The following FOXN3 variants were observed in gnomAD, a reference collection of about 807,000 sequenced individuals.
FOXN3 encodes forkhead box protein N3.
Under a neutral mutation model 38.4 loss-of-function variants are expected in FOXN3, and 7 were observed. That is an observed-to-expected ratio of 0.18 (90% CI 0.10 to 0.34). The LOEUF is 0.34. Among genes scored for constraint, FOXN3 ranks in the 10% least tolerant of loss-of-function variants. The pLI is 1.00. For synonymous variants in FOXN3, 230 were observed against 242.2 expected (o/e 0.95, Z 0.47); for missense variants, 456 against 613.4 (o/e 0.74, Z 2.71).
At chr14:89,272,623 G>A (rs2182473) in intron 4 of FOXN3, among the ~76,000 whole-genome samples, 24,248 of 152,032 alleles carry the variant, frequency 0.16, 2,184 homozygotes, top group East Asian at 0.3. Flanking sequence ...AGGCTGAGGC[G>A]GGCAGATCAC....
Position 89,192,013 on chromosome 14 carries a change from CATT to C in FOXN3, c.746-11210_746-11208del, listed in dbSNP as rs550367521. 8.7e-3 allele frequency among the ~76,000 whole-genome samples: 1,221 copies of C among 139,948 alleles called. 14 individuals carry two copies. The highest frequency in any genetic ancestry group is 0.022 in the Middle Eastern group (6 of 268). 91.8% of individuals were successfully genotyped at this position (139,948 alleles called of 152,430 possible). On this transcript the variant is annotated intron_variant, in intron 4 of 5. Transcript: ENST00000557258. ...ATATATATTAGCTAATATAATTAAT[CATT>C]AATCATCAACTAACATATATAAACT...
At chr14:89,342,685 C>A (rs1468582803) in intron 3 of FOXN3, among the ~76,000 whole-genome samples, 1 of 152,166 alleles carries the variant, frequency 6.6e-6, no homozygotes, top group Non-Finnish European at 1.5e-5. Flanking sequence ...AATCCCACAT[C>A]TACTTTACTG....
Position 89,288,070 on chromosome 14 carries a change from T to C in FOXN3, c.681-7056A>G, listed in dbSNP as rs111300906. 7.1e-3 allele frequency among the ~76,000 whole-genome samples: 83 copies of C among 11,648 alleles called. No individual in the cohort carries two copies. The South Asian group carries it at 0.14, about 20-fold the overall frequency. The allele number at this position is 11,648 out of a possible 152,430, so 7.6% of individuals were successfully genotyped here. On this transcript the variant is annotated intron_variant, in intron 3 of 5. Coordinates refer to ENST00000557258, the MANE Select transcript of FOXN3 (RefSeq NM_005197.4). ...AGCAAGACCCTGTCTCAAAAAAAAA[T>C]ATATATATATATAGCTCCATGCAGA...
rs1360110903 is a variant in FOXN3, at chr14:89,513,628, CTT to C, written c.-14-101140_-14-101139del. Among the ~76,000 whole-genome samples the C allele has an allele frequency of 2.0e-5, 3 of 151,182 alleles. No homozygotes were observed. In the East Asian group the frequency reaches 5.9e-4, roughly 30 times the overall value. On this transcript the variant is annotated intron_variant, in intron 1 of 6. Coordinates refer to the FOXN3 transcript ENST00000345097. ...TTATTTTTTGAGACGGAATTTCACT[CTT>C]GTTGCCCAGGCTGGAGTGCAATGGC...
intron 4 of FOXN3, among the ~76,000 whole-genome samples, chr14:89,261,757 G>A (rs905718962): frequency 2.6e-5 from 4 of 151,996 alleles, no homozygotes; most frequent in Non-Finnish European, 4.4e-5. Context: ...ATGAAACCCC[G>A]TCTCTACCAA....
At chr14:89,286,163 G>T (rs1459236673) in intron 3 of FOXN3, among the ~76,000 whole-genome samples, 4 of 151,586 alleles carry the variant, frequency 2.6e-5, no homozygotes, top group Non-Finnish European at 4.4e-5. Context: ...CAAGAGAGGA[G>T]TAGGGAGGGG....
Position 89,413,655 on chromosome 14 carries a change from A to ATG in FOXN3, c.-14-1166_-14-1165insCA, listed in dbSNP as rs1491375825. Among the ~76,000 whole-genome samples, 517 of 61,416 alleles carry ATG rather than the reference A, an allele frequency of 8.4e-3. 4 individuals are homozygous for ATG. The highest frequency in any genetic ancestry group is 0.02 in the African/African-American group (498 of 25,058). The allele number at this position is 61,416 out of a possible 152,430, so 40.3% of individuals were successfully genotyped here. A position where few individuals can be genotyped will look rare whatever the true frequency, so the allele number is the denominator to read the frequency against. On this transcript the variant is annotated intron_variant, in intron 1 of 5. Coordinates refer to ENST00000557258, the MANE Select transcript of FOXN3 (RefSeq NM_005197.4). ...CTCAAAAGTTTTGAAGAAGGTAAGGAAGAAGGGAAGGGAATGGAAGAGAAG... is the reference window on the plus strand; with the variant it reads ...CTCAAAAGTTTTGAAGAAGGTAAGGATGAGAAGGGAAGGGAATGGAAGAGAAG...
At chr14:89,281,654 TCA>T (rs1213459080) in intron 3 of FOXN3, among the ~76,000 whole-genome samples, 7 of 152,108 alleles carry the variant, frequency 4.6e-5, no homozygotes, top group African/African-American at 1.7e-4. Flanking sequence ...GATCAATATA[TCA>T]CAAAGACACT....
intron 1 of FOXN3, among the ~76,000 whole-genome samples, chr14:89,542,175 C>T (rs1464126548): frequency 6.6e-6 from 1 of 152,164 alleles, no homozygotes; most frequent in South Asian, 2.1e-4. Context: ...GAGATGTGCT[C>T]TGCTACAAGG....
At chr14:89,354,555 A>G (rs906289827) in intron 2 of FOXN3, among the ~76,000 whole-genome samples, 1 of 149,318 alleles carries the variant, frequency 6.7e-6, no homozygotes, top group African/African-American at 2.4e-5. Flanking sequence ...AAAAAAAAAA[A>G]AAAAAAGAAA....
intron 1 of FOXN3, among the ~76,000 whole-genome samples, chr14:89,436,056 G>A (rs1287044081): frequency 6.7e-6 from 1 of 150,266 alleles, no homozygotes; most frequent in African/African-American, 2.5e-5. Context: ...GCCCAGGCTG[G>A]TCTCGAACTC....
chr14:89,473,816 G>C (rs1318331263), intron 1 of FOXN3, among the ~76,000 whole-genome samples: 2 of 152,064 alleles, frequency 1.3e-5, no homozygotes, highest in African/African-American at 4.8e-5. Context: ...ACACCCACTA[G>C]AGCCAAGTTC....
chr14:89,192,185 AT>A (rs1165332016), intron 4 of FOXN3, among the ~76,000 whole-genome samples: 1 of 146,878 alleles, frequency 6.8e-6, no homozygotes, highest in Non-Finnish European at 1.5e-5. Context: ...ATATTAATAT[AT>A]TAACTACAAT....
At chr14:89,198,226 C>T (rs192450105) in intron 4 of FOXN3, among the ~76,000 whole-genome samples, 2 of 152,148 alleles carry the variant, frequency 1.3e-5, no homozygotes, top group Non-Finnish European at 2.9e-5. Flanking sequence ...CCAAACAATG[C>T]CATCTAACAA....
At chr14:89,333,750 A>T (rs78257137) in intron 3 of FOXN3, among the ~76,000 whole-genome samples, 2,926 of 13,826 alleles carry the variant, frequency 0.21, 46 homozygotes, top group East Asian at 0.26. Context: ...AGAGACTATT[A>T]AAAAAAAAAA....
intron 2 of FOXN3, among the ~76,000 whole-genome samples, chr14:89,392,228 C>T (rs1243929932): frequency 6.6e-6 from 1 of 152,208 alleles, no homozygotes; most frequent in Admixed American, 6.5e-5. Flanking sequence ...TGGCTGTGAG[C>T]ACCTCTCTGG....
Position 89,170,298 on chromosome 14 carries a change from A to G in FOXN3, c.852-7329T>C, listed in dbSNP as rs1424041356. Among the ~76,000 whole-genome samples, 47 of 152,214 alleles carry G rather than the reference A, an allele frequency of 3.1e-4. 1 individual carries two copies. Among genetic ancestry groups the G allele is most frequent in the Admixed American group, 3.1e-3 (47 of 15,290 alleles). On this transcript the variant is annotated intron_variant, in intron 5 of 5. Transcript: ENST00000557258. ...TTTTAATGCATCCCTTTCAGTATGC[A>G]ATTGATCAAGCTGACACGCACACAC...
At chr14:89,604,050 C>T (rs1896214972) in intron 1 of FOXN3, among the ~76,000 whole-genome samples, 1 of 152,178 alleles carries the variant, frequency 6.6e-6, no homozygotes, top group Admixed American at 6.5e-5. Flanking sequence ...TCCCCAAAAC[C>T]TCAAGTTGAG....
At chr14:89,604,943 T>C (rs1896238950) in intron 1 of FOXN3, among the ~76,000 whole-genome samples, 1 of 151,946 alleles carries the variant, frequency 6.6e-6, no homozygotes, top group Non-Finnish European at 1.5e-5. Flanking sequence ...ATTGTATACC[T>C]AGCAAGATTC....
Sources: allele counts gnomAD v4.1 joint callset (sites outside exome capture counted in the v4.1 genomes callset), GRCh38; gene constraint gnomAD v4.1.1; transcripts MANE v1.5; gene names NCBI Gene and HGNC (gene_info 2026-07-23, HGNC 2026-07-21).